USP44: variants seen among roughly 807,000 people sequenced by gnomAD.
USP44 encodes ubiquitin carboxyl-terminal hydrolase 44.
Under a neutral mutation model 69.0 loss-of-function variants are expected in USP44, and 61 were observed. That is an observed-to-expected ratio of 0.88 (90% CI 0.72 to 1.09). The LOEUF (loss-of-function observed/expected upper bound fraction) is 1.09. Among genes scored for constraint, USP44 ranks in the 50% least tolerant of loss-of-function variants. The pLI, the probability that USP44 is intolerant of heterozygous loss-of-function variation, is 0.00. For missense variants in USP44, 753 were observed against 849.9 expected (o/e 0.89, Z 1.42); for synonymous variants, 297 against 295.4 (o/e 1.01, Z -0.06).
chr12:95,539,109 T>C (rs1190044712), intron 1 of USP44, among the ~76,000 whole-genome samples: 1 of 152,250 alleles, frequency 6.6e-6, no homozygotes, highest in Non-Finnish European at 1.5e-5. Flanking sequence ...TAAAACTATC[T>C]GTGCTATAAT....
intron 3 of USP44, among the ~76,000 whole-genome samples, chr12:95,526,843 A>T (rs1044917818): frequency 6.6e-6 from 1 of 152,138 alleles, no homozygotes; most frequent in Non-Finnish European, 1.5e-5. Context: ...TATACACTAC[A>T]CTATACTACA....
At chr12:95,527,722 C>T (rs1449206340) in intron 3 of USP44, among the ~76,000 whole-genome samples, 6 of 151,288 alleles carry the variant, frequency 4.0e-5, no homozygotes, top group African/African-American at 1.5e-4. Context: ...TGACCTCAAG[C>T]GATCCACCTG....
chr12:95,520,031 A>AAAAAAAAAAAAAAAAAAAC (rs2076607682), intron 5 of USP44, among the ~76,000 whole-genome samples: 1 of 146,510 alleles, frequency 6.8e-6, no homozygotes, highest in African/African-American at 2.5e-5. Context: ...AAAAAAAAAA[A>AAAAAAAAAAAAAAAAAAAC]AAAAAGCCAA....
chr12:95,543,964 CT>C (rs1167954067), intron 1 of USP44, among the ~76,000 whole-genome samples: 1 of 42,564 alleles, frequency 2.3e-5, no homozygotes, highest in Non-Finnish European at 3.8e-5. Flanking sequence ...GAGACTGCAT[CT>C]CAAAAAAAAA....
At chr12:95,537,557 C>T (rs536785962) in intron 1 of USP44, among the ~76,000 whole-genome samples, 5 of 152,162 alleles carry the variant, frequency 3.3e-5, no homozygotes, top group African/African-American at 1.2e-4. Context: ...GACCTCGTGA[C>T]CTGCCTGCCT....
upstream of USP44, chr12:95,551,507 G>C (rs1319811484): frequency 6.6e-6 from 1 of 152,654 alleles, no homozygotes; most frequent in Non-Finnish European, 1.5e-5. Context: ...CGGGCGTGCA[G>C]ATCCCCATCC....
chr12:95,517,995 A>G lies in USP44; in HGVS notation c.*159T>C. On this transcript the variant is annotated 3_prime_UTR_variant, in exon 6 of 6. Transcript: ENST00000258499. The stretch of plus-strand genomic sequence containing the variant: ...AAAAAAGTAGTTACCTTCAGTTGAT[A>G]TATACATTTATACTTTGTAAAAAAA... 1 of 656,314 alleles carries G rather than the reference A, an allele frequency of 1.5e-6. No homozygotes were observed. The highest frequency in any genetic ancestry group is 3.0e-5 in the South Asian group (1 of 33,100). The allele number at this position is 656,314 out of a possible 1,614,324, so 40.7% of individuals were successfully genotyped here.
chr12:95,538,389 T>G (rs964960393), intron 1 of USP44, among the ~76,000 whole-genome samples: 4 of 152,144 alleles, frequency 2.6e-5, no homozygotes, highest in Admixed American at 2.6e-4. Flanking sequence ...ATTATTATTA[T>G]AAATGCTAGT....
At chr12:95,535,100 GC>G (rs1401910032) in intron 1 of USP44, among the ~76,000 whole-genome samples, 1 of 152,148 alleles carries the variant, frequency 6.6e-6, no homozygotes, top group African/African-American at 2.4e-5. Context: ...GAGTTTTAAG[GC>G]AGAAAAACAT....
At chr12:95,518,726 G>C (rs544671755) in intron 5 of USP44, among the ~76,000 whole-genome samples, 1 of 152,244 alleles carries the variant, frequency 6.6e-6, no homozygotes, top group South Asian at 2.1e-4. Context: ...GATCACCTGA[G>C]GCCAGGAGTT....
intron 1 of USP44, among the ~76,000 whole-genome samples, chr12:95,544,141 A>G (rs1370488299): frequency 8.4e-6 from 1 of 118,612 alleles, no homozygotes; most frequent in Non-Finnish European, 1.6e-5. Flanking sequence ...TGCAAGCTCC[A>G]CCTCCCGAGT....
chr12:95,537,377 G>GC (rs2077240390), intron 1 of USP44, among the ~76,000 whole-genome samples: 1 of 152,004 alleles, frequency 6.6e-6, no homozygotes, highest in Admixed American at 6.6e-5. Context: ...GGAGTGCAGG[G>GC]GTGCTATCTT....
chr12:95,527,998 C>T (rs189985258), intron 3 of USP44, among the ~76,000 whole-genome samples: 19 of 152,048 alleles, frequency 1.2e-4, no homozygotes, highest in Admixed American at 4.6e-4. Flanking sequence ...GCCACCATGC[C>T]CAGCTAATTT....
rs751003829 is a variant in USP44 at position 95,529,034 on chromosome 12, T to C, written c.1429-32A>G. 41 of 1,542,092 alleles carry C rather than the reference T, an allele frequency of 2.7e-5. No homozygotes were observed. The South Asian group carries it at 4.7e-4, about 18-fold the overall frequency. ...ATGAGAATATGAGTTCCTAAGATTATAATCTTTCCATCAAAACATTAACTC... is the reference window on the plus strand; with the variant it reads ...ATGAGAATATGAGTTCCTAAGATTACAATCTTTCCATCAAAACATTAACTC... On this transcript the variant is annotated intron_variant, in intron 2 of 5. Coordinates refer to ENST00000258499, the MANE Select transcript of USP44 (RefSeq NM_032147.5).
intron 5 of USP44, 41 bp from the exon 6 acceptor site, chr12:95,518,394 G>C: frequency 6.3e-7 from 1 of 1,595,396 alleles, no homozygotes; most frequent in Non-Finnish European, 8.6e-7. Flanking sequence ...AGGGACTTTA[G>C]AAAATTCTAG....
intron 1 of USP44, among the ~76,000 whole-genome samples, chr12:95,535,620 G>C (rs2077174234): frequency 6.6e-6 from 1 of 152,076 alleles, no homozygotes; most frequent in South Asian, 2.1e-4. Context: ...TGTGATTTTT[G>C]ACACAGAACT....
At chr12:95,529,038 C>A in intron 2 of USP44, 36 bp from the exon 3 acceptor site, 1 of 1,530,464 alleles carries the variant, frequency 6.5e-7, no homozygotes, top group Non-Finnish European at 8.8e-7. Flanking sequence ...AGATTATAAT[C>A]TTTCCATCAA....
At position 95,518,225 on chromosome 12, in the gene USP44, G is replaced by A. The variant is rs2076536883; in HGVS notation, c.2068C>T (p.Pro690Ser). 6.2e-7 allele frequency: 1 copy of A among 1,614,052 alleles called. No homozygotes were observed. The highest frequency in any genetic ancestry group is 8.5e-7 in the Non-Finnish European group (1 of 1,180,042). ...TENGHSKLLP[P>S]ELLLGSQHPN... ...TGTTGGCTCCCCAACAGGAGCTCTG[G>A]AGGCAAAAGTTTAGAATGTCCATTC... Residue 690 changes from proline to serine, a missense_variant, in exon 6 of 6, where the codon CCA becomes TCA. Transcript: ENST00000258499.
chr12:95,530,082 C>G (rs201702159), intron 2 of USP44, among the ~76,000 whole-genome samples: 2 of 152,138 alleles, frequency 1.3e-5, no homozygotes, highest in Non-Finnish European at 2.9e-5. Context: ...AAGACAGACT[C>G]CATGAACTAA....
Sources: allele counts gnomAD v4.1 joint callset (sites outside exome capture counted in the v4.1 genomes callset), GRCh38; gene constraint gnomAD v4.1.1; transcripts MANE v1.5; gene names NCBI Gene and HGNC (gene_info 2026-07-23, HGNC 2026-07-21).